Variants in YES1 observed in about 807,000 individuals in gnomAD.
YES1 encodes the protein tyrosine-protein kinase Yes.
YES1 carries 39 observed loss-of-function variants against 70.4 expected under a neutral mutation model. The ratio of observed to expected loss-of-function variants is 0.55; its 90% CI spans 0.43 to 0.72. The LOEUF is 0.72. Among genes scored for constraint, YES1 ranks in the 30% least tolerant of loss-of-function variants. The pLI is 0.00. For missense variants in YES1, 495 were observed against 644.8 expected (o/e 0.77, Z 2.52); for synonymous variants, 198 against 218.6 (o/e 0.91, Z 0.83).
chr18:792,565 A>ATG (rs71174292), intron 1 of YES1, among the ~76,000 whole-genome samples: 5,128 of 147,050 alleles, frequency 0.035, 142 homozygotes, highest in East Asian at 0.13. Flanking sequence ...CCCTCTGTAT[A>ATG]TGTGTGTGTG....
chr18:773,076 G>A (rs1905227720), intron 1 of YES1, among the ~76,000 whole-genome samples: 1 of 152,144 alleles, frequency 6.6e-6, no homozygotes, highest in African/African-American at 2.4e-5. Context: ...CTTAACATAA[G>A]GTCTCCTAGA....
In YES1 at chr18:721,634, G is replaced by A. The variant is rs1259211187; in HGVS notation, c.*2790C>T. The stretch of plus-strand genomic sequence containing the variant: ...TTTAATAAAGGATTGATTAAATTCT[G>A]CTCAGTAGTTACAAGTAACTGAACA... On this transcript the variant is annotated 3_prime_UTR_variant, in exon 12 of 12. Transcript: ENST00000314574. The A allele has an allele frequency of 1.3e-5, 2 of 151,906 alleles. No homozygotes were observed. The highest frequency in any genetic ancestry group is 2.9e-5 in the Non-Finnish European group (2 of 68,008). 9.4% of individuals were successfully genotyped at this position (151,906 alleles called of 1,614,324 possible).
intron 4 of YES1, among the ~76,000 whole-genome samples, chr18:746,613 T>C (rs182308326): frequency 3.9e-5 from 6 of 152,324 alleles, no homozygotes; most frequent in Middle Eastern, 6.8e-3. Context: ...CAAAGAGTTA[T>C]TGAGACACAT....
At chr18:795,912 A>AAC (rs72204539) in intron 1 of YES1, among the ~76,000 whole-genome samples, 2,533 of 144,644 alleles carry the variant, frequency 0.018, 27 homozygotes, top group East Asian at 0.025. Context: ...CCAGAACTTA[A>AAC]ACACACACAC....
intron 1 of YES1, among the ~76,000 whole-genome samples, chr18:762,871 C>G (rs1334666334): frequency 6.6e-6 from 1 of 152,132 alleles, no homozygotes; most frequent in Non-Finnish European, 1.5e-5. Flanking sequence ...AAATACAACA[C>G]TGTACAATGT....
At chr18:781,052 G>A (rs1185807530) in intron 1 of YES1, among the ~76,000 whole-genome samples, 3 of 152,088 alleles carry the variant, frequency 2.0e-5, no homozygotes, top group Admixed American at 1.3e-4. Context: ...TGGATCACCT[G>A]AGGTCAGGAG....
chr18:784,459 A>C (rs1478361344), intron 1 of YES1, among the ~76,000 whole-genome samples: 1 of 152,234 alleles, frequency 6.6e-6, no homozygotes, highest in Non-Finnish European at 1.5e-5. Context: ...CTCAGTGTCT[A>C]TTAATTATTG....
rs1438174284 is a variant in YES1, at chr18:732,925, T to C, written c.1332A>G (p.Ala444=). 1.2e-6 allele frequency: 2 copies of C among 1,614,164 alleles called. No individual in the cohort carries two copies. The highest frequency in any genetic ancestry group is 1.7e-6 in the Non-Finnish European group (2 of 1,180,030). The part of the protein sequence containing the change: ...FPIKWTAPEA[A]LYGRFTIKSD... ...ACTTTATTGTAAACCGACCATACAGTGCAGCTTCAGGAGCTGTCCATTTGA... is the reference window on the plus strand; with the variant it reads ...ACTTTATTGTAAACCGACCATACAGCGCAGCTTCAGGAGCTGTCCATTTGA... Residue 444 remains alanine, a synonymous_variant, in exon 11 of 12, where the codon GCA becomes GCG. Coordinates refer to ENST00000314574, the MANE Select transcript of YES1 (RefSeq NM_005433.4).
At chr18:785,505 C>G (rs1905891310) in intron 1 of YES1, among the ~76,000 whole-genome samples, 1 of 152,108 alleles carries the variant, frequency 6.6e-6, no homozygotes, top group Non-Finnish European at 1.5e-5. Flanking sequence ...TATAAAAGGT[C>G]TGAATTCTGG....
Position 740,894 on chromosome 18 carries a change from T to C in YES1, c.1061-1083A>G, listed in dbSNP as rs527623986. Among the ~76,000 whole-genome samples the C allele has an allele frequency of 1.3e-3, 204 of 152,236 alleles. 1 individual carries two copies. Among genetic ancestry groups the C allele is most frequent in the Non-Finnish European group, 2.5e-3 (172 of 68,008 alleles). On this transcript the variant is annotated intron_variant, in intron 8 of 11. Coordinates refer to ENST00000314574, the MANE Select transcript of YES1 (RefSeq NM_005433.4). The stretch of plus-strand genomic sequence containing the variant: ...TCTTATGTTCCAATATCTTTTTTAA[T>C]TGTTAAAGTCTTTATTTATTTGAAA...
intron 10 of YES1, among the ~76,000 whole-genome samples, chr18:733,254 CAT>C (rs2080112398): frequency 6.6e-6 from 1 of 152,136 alleles, no homozygotes; most frequent in Admixed American, 6.5e-5. Flanking sequence ...GCCAAAGATA[CAT>C]GTTATAATAT....
At chr18:774,293 C>A (rs1905277797) in intron 1 of YES1, among the ~76,000 whole-genome samples, 1 of 152,200 alleles carries the variant, frequency 6.6e-6, no homozygotes, top group Non-Finnish European at 1.5e-5. Flanking sequence ...TTGGTGATAT[C>A]ACCCAGTCTT....
chr18:808,455 A>G (rs1416742842), intron 1 of YES1, among the ~76,000 whole-genome samples: 1 of 152,204 alleles, frequency 6.6e-6, no homozygotes, highest in African/African-American at 2.4e-5. Context: ...TACCAATAAG[A>G]CAAGACACTT....
At chr18:729,455 ATTCT>A (rs924797262) in intron 11 of YES1, among the ~76,000 whole-genome samples, 25 of 148,804 alleles carry the variant, frequency 1.7e-4, no homozygotes, top group Admixed American at 1.4e-4. Flanking sequence ...TTTCCATTTG[ATTCT>A]TTTTTTTTTA....
rs192224474 is a variant in YES1 at position 722,061 on chromosome 18, C to T, written c.*2363G>A. 9 of 152,596 alleles carry T rather than the reference C, an allele frequency of 5.9e-5. No homozygotes were observed. The highest frequency in any genetic ancestry group is 1.2e-4 in the African/African-American group (5 of 41,438). The allele number at this position is 152,596 out of a possible 1,614,324, so 9.5% of individuals were successfully genotyped here. A position where few individuals can be genotyped will look rare whatever the true frequency, so the allele number is the denominator to read the frequency against. On this transcript the variant is annotated 3_prime_UTR_variant, in exon 12 of 12. Transcript: ENST00000314574. ...AATTGTTATTATATAAGGAACTGCT[C>T]CATTCAGTTAAAACCTAATGAATAC...
At chr18:725,180 C>G (rs538059790) in intron 11 of YES1, among the ~76,000 whole-genome samples, 3 of 151,794 alleles carry the variant, frequency 2.0e-5, no homozygotes, top group Admixed American at 2.0e-4. Context: ...TGTAATCCCC[C>G]CTTCCTCAAC....
Position 743,027 on chromosome 18 carries a change from G to A in YES1, c.951C>T (p.Phe317=), listed in dbSNP as rs771772473. Residue 317 remains phenylalanine, a synonymous_variant, in exon 8 of 12, where the codon TTC becomes TTT. Transcript: ENST00000314574. ...LKPGTMMPEA[F]LQEAQIMKKL... ...TTTTCATTATCTGAGCTTCTTGAAG[G>A]AAAGCTTCTGGCATCATTGTACCTG... 2 of 1,612,734 alleles carry A rather than the reference G, an allele frequency of 1.2e-6. No homozygotes were observed. The highest frequency in any genetic ancestry group is 1.7e-6 in the Non-Finnish European group (2 of 1,179,764).
chr18:757,305 CA>C (rs1568200028), intron 1 of YES1, among the ~76,000 whole-genome samples: 1 of 150,932 alleles, frequency 6.6e-6, no homozygotes, highest in East Asian at 2.0e-4. Context: ...AGATTGAGAC[CA>C]TCCTGGCTAA....
chr18:755,862 C>T (rs3865404), intron 2 of YES1, among the ~76,000 whole-genome samples: 87,178 of 151,934 alleles, frequency 0.57, 25,417 homozygotes, highest in East Asian at 0.71. Context: ...CATCCTGATA[C>T]GGGACCCTTT....
Sources: allele counts gnomAD v4.1 joint callset (sites outside exome capture counted in the v4.1 genomes callset), GRCh38; gene constraint gnomAD v4.1.1; transcripts MANE v1.5; gene names NCBI Gene and HGNC (gene_info 2026-07-23, HGNC 2026-07-21).